Variants in RPN1 observed in about 807,000 individuals in gnomAD.
The protein encoded by RPN1 is ribophorin I.
Under a neutral mutation model 55.5 loss-of-function variants are expected in RPN1, and 12 were observed. That is an observed-to-expected ratio of 0.22 (90% CI 0.14 to 0.35). The LOEUF (loss-of-function observed/expected upper bound fraction) is 0.35, where lower values mean the gene tolerates loss of function less well. Ranked by LOEUF, RPN1 falls within the 10% of genes least tolerant of loss-of-function variation. The probability of loss-of-function intolerance (pLI) is 1.00; values close to 1 mark genes in which losing one functional copy is unlikely to be tolerated. For missense variants in RPN1, 679 were observed against 761.3 expected (o/e 0.89, Z 1.27); for synonymous variants, 317 against 305.9 (o/e 1.04, Z -0.38).
intron 3 of RPN1, 69 bp from the exon 4 acceptor site, chr3:128,632,226 T>C (rs748857156): frequency 5.7e-6 from 8 of 1,413,786 alleles, no homozygotes; most frequent in Non-Finnish European, 8.0e-6. Context: ...TAAATCAGAT[T>C]GATTGGAGAC....
At chr3:128,650,269 G>A (rs1576801662) in intron 1 of RPN1, among the ~76,000 whole-genome samples, 1 of 152,190 alleles carries the variant, frequency 6.6e-6, no homozygotes, top group Non-Finnish European at 1.5e-5. Flanking sequence ...CTGCCCACGT[G>A]AGCAGCGACC....
At chr3:128,635,189 T>C (rs1162888835) in intron 3 of RPN1, among the ~76,000 whole-genome samples, 2 of 152,134 alleles carry the variant, frequency 1.3e-5, no homozygotes, top group Admixed American at 6.6e-5. Context: ...TAAGTATGTT[T>C]ACTACAAATC....
chr3:128,640,129 G>A (rs2069714295), intron 2 of RPN1, among the ~76,000 whole-genome samples: 1 of 151,858 alleles, frequency 6.6e-6, no homozygotes, highest in African/African-American at 2.4e-5. Flanking sequence ...CCGAGATTGT[G>A]CCACTGCACT....
intron 1 of RPN1, among the ~76,000 whole-genome samples, chr3:128,646,823 A>T (rs2069772266): frequency 6.6e-6 from 1 of 151,532 alleles, no homozygotes; most frequent in African/African-American, 2.4e-5. Flanking sequence ...AAATAAAAAA[A>T]TTAGCTGGGT....
chr3:128,649,589 C>T (rs77137920), intron 1 of RPN1, among the ~76,000 whole-genome samples: 3,590 of 152,296 alleles, frequency 0.024, 70 homozygotes, highest in Non-Finnish European at 0.039. Flanking sequence ...ACTATAATGA[C>T]TATTCTCTCA....
chr3:128,629,059 A>G (rs1216341856), intron 5 of RPN1, among the ~76,000 whole-genome samples: 1 of 152,224 alleles, frequency 6.6e-6, no homozygotes, highest in Admixed American at 6.5e-5. Context: ...ATAAAACTAC[A>G]AAGATATTCA....
chr3:128,632,260 G>C (rs770770981), intron 3 of RPN1, 103 bp from the exon 4 acceptor site: 5 of 1,012,322 alleles, frequency 4.9e-6, no homozygotes, highest in Non-Finnish European at 7.5e-6. Context: ...GCAACAGAAC[G>C]GGTAAATTAT....
chr3:128,645,672 C>G (rs568902698), intron 1 of RPN1, among the ~76,000 whole-genome samples: 123 of 151,388 alleles, frequency 8.1e-4, no homozygotes, highest in African/African-American at 2.9e-3. Context: ...CAAAAATTAA[C>G]CAGGCGTGGT....
intron 2 of RPN1, among the ~76,000 whole-genome samples, chr3:128,639,553 G>A (rs1211831206): frequency 1.3e-5 from 2 of 151,606 alleles, no homozygotes; most frequent in Non-Finnish European, 2.9e-5. Context: ...TGTAGAATAA[G>A]TTTAGTTTGT....
intron 6 of RPN1, 63 bp from the exon 7 acceptor site, chr3:128,626,075 A>G (rs2069597993): frequency 1.3e-6 from 2 of 1,498,060 alleles, no homozygotes; most frequent in African/African-American, 1.4e-5. Context: ...CAGATTTAGG[A>G]TCAGAGAATT....
At chr3:128,641,816 G>T (rs568875555) in intron 2 of RPN1, among the ~76,000 whole-genome samples, 63 of 151,868 alleles carry the variant, frequency 4.1e-4, no homozygotes, top group Non-Finnish European at 7.8e-4. Flanking sequence ...TCTCCATGTT[G>T]GTCAGGCTGG....
chr3:128,620,713 C>A, intron 9 of RPN1, 120 bp from the exon 10 acceptor site: 2 of 1,060,346 alleles, frequency 1.9e-6, no homozygotes, highest in Non-Finnish European at 2.7e-6. Context: ...ACAAATGCAG[C>A]CAACAGCACA....
Position 128,620,367 on chromosome 3 carries a change from C to G in RPN1, c.*44G>C, listed in dbSNP as rs115961109. 2.4e-3 allele frequency: 3,755 copies of G among 1,556,708 alleles called. 82 individuals are homozygous for G. In the African/African-American group the frequency reaches 0.045, roughly 18 times the overall value. Reference sequence around the variant, plus strand: ...CTACCACCCAATCTGCCTGCCACAGCAAAGTGCAGGCACCCTGGGCCCCCT... The same window carrying G: ...CTACCACCCAATCTGCCTGCCACAGGAAAGTGCAGGCACCCTGGGCCCCCT... On this transcript the variant is annotated 3_prime_UTR_variant, in exon 10 of 10. Coordinates refer to ENST00000296255, the MANE Select transcript of RPN1 (RefSeq NM_002950.4).
chr3:128,626,872 G>A lies in RPN1; in HGVS notation c.1037-40C>T, dbSNP rs75295123. 1.6e-4 allele frequency: 245 copies of A among 1,560,212 alleles called. No individual in the cohort carries two copies. In the African/African-American group the frequency reaches 2.2e-3, roughly 14 times the overall value. On this transcript the variant is annotated intron_variant, in intron 5 of 9. Coordinates refer to ENST00000296255, the MANE Select transcript of RPN1 (RefSeq NM_002950.4). ...AAGCATAAGCAATGATGTGGAAAAC[G>A]GATCAAATGGGCAGGAGAGAAAGAA...
chr3:128,632,644 G>A (rs1175890940), intron 3 of RPN1, among the ~76,000 whole-genome samples: 9 of 152,040 alleles, frequency 5.9e-5, no homozygotes, highest in Non-Finnish European at 1.2e-4. Context: ...ACCCAGGCTG[G>A]AGTACAATGG....
At chr3:128,641,299 T>C (rs975197614) in intron 2 of RPN1, among the ~76,000 whole-genome samples, 1 of 152,076 alleles carries the variant, frequency 6.6e-6, no homozygotes, top group Non-Finnish European at 1.5e-5. Context: ...TGGTAAGCTA[T>C]GAAAAAAAAT....
Position 128,650,732 on chromosome 3 carries a change from G to A in RPN1, c.69C>T (p.Ser23=). The change falls in exon 1 of 10, where the codon AGC becomes AGT. Residue 23 remains serine, a synonymous_variant. Transcript: ENST00000296255. ...LLGTWAPAPG[S]ASSEAPPLIN... ...TCAGCGGCGGTGCCTCGGAGGAGGC[G>A]CTGCCCGGCGCCGGGGCCCAAGTCC... The A allele has an allele frequency of 1.3e-6, 2 of 1,554,902 alleles. No individual in the cohort carries two copies. The highest frequency in any genetic ancestry group is 8.7e-7 in the Non-Finnish European group (1 of 1,149,244).
At chr3:128,628,014 T>G (rs1298417477) in intron 5 of RPN1, among the ~76,000 whole-genome samples, 1 of 4,388 alleles carries the variant, frequency 2.3e-4, no homozygotes, top group Non-Finnish European at 6.5e-4. Flanking sequence ...TCCCAGCACT[T>G]TGGAAGGCTG....
chr3:128,632,260 G>A (rs770770981), intron 3 of RPN1, 103 bp from the exon 4 acceptor site: 39 of 1,012,322 alleles, frequency 3.9e-5, no homozygotes, highest in African/African-American at 3.5e-4. Flanking sequence ...GCAACAGAAC[G>A]GGTAAATTAT....
Sources: gnomAD v4.1 joint callset for allele counts (sites outside exome capture counted in the v4.1 genomes callset) on GRCh38, gnomAD v4.1.1 for gene constraint, MANE v1.5 for transcripts, NCBI Gene and HGNC (gene_info 2026-07-23, HGNC 2026-07-21) for gene names.